Variants in RPRD2 observed in about 807,000 individuals in gnomAD.
The protein encoded by RPRD2 is regulation of nuclear pre-mRNA domain-containing protein 2.
Under a neutral mutation model 104.4 loss-of-function variants are expected in RPRD2, and 12 were observed. The observed-to-expected ratio is 0.11, with a 90% CI of 0.07 to 0.19. The LOEUF (loss-of-function observed/expected upper bound fraction) is 0.19. RPRD2 is among the 10% of genes least tolerant of loss of function. The probability of loss-of-function intolerance (pLI) is 1.00; values close to 1 mark genes in which losing one functional copy is unlikely to be tolerated. For missense variants in RPRD2, 1,543 were observed against 1,790.1 expected, an observed-to-expected ratio of 0.86 and a Z score of 2.49; for synonymous variants, 714 against 684.9, an observed-to-expected ratio of 1.04 and a Z score of -0.66.
chr1:150,364,514 G>C lies in RPRD2; in HGVS notation c.-201G>C. On this transcript the variant is annotated 5_prime_UTR_variant, in exon 1 of 11. Transcript: ENST00000369068. ...GAGACCCGCAGCCCCTCCTTGCAGCGTGTAGGAGCTGCCAGCGTGCCCAGC... is the reference window on the plus strand; with the variant it reads ...GAGACCCGCAGCCCCTCCTTGCAGCCTGTAGGAGCTGCCAGCGTGCCCAGC... 1 of 539,982 alleles carries C rather than the reference G, an allele frequency of 1.9e-6. No individual in the cohort carries two copies. The highest frequency in any genetic ancestry group is 4.9e-4 in the Middle Eastern group (1 of 2,034). The allele number at this position is 539,982 out of a possible 1,614,324, so 33.4% of individuals were successfully genotyped here. A position where few individuals can be genotyped will look rare whatever the true frequency, so the allele number is the denominator to read the frequency against.
intron 2 of RPRD2, among the ~76,000 whole-genome samples, chr1:150,422,762 A>G (rs1366847854): frequency 1.3e-5 from 2 of 152,226 alleles, no homozygotes; most frequent in Non-Finnish European, 2.9e-5. Context: ...ATATTGAACC[A>G]TGGGCAACTT....
intron 2 of RPRD2, among the ~76,000 whole-genome samples, chr1:150,424,526 T>C (rs1553890252): frequency 6.6e-6 from 1 of 152,118 alleles, no homozygotes; most frequent in Non-Finnish European, 1.5e-5. Context: ...GACCTCATGA[T>C]CCGCCTGCCT....
Position 150,472,497 on chromosome 1 carries a change from C to G in RPRD2, c.3549C>G (p.Ser1183=). The change falls in exon 11 of 11, where the codon TCC becomes TCG. Residue 1183 remains serine (S), a synonymous_variant. Transcript: ENST00000369068. ...AGGAGAGTGTCGGCAGCTTTCGTTC[C>G]AACAGTTTCAACTCAACATTTGAGC... ...QFQESVGSFR[S]NSFNSTFEHH... is the part of the protein sequence containing the mutation. 2 of 1,613,942 alleles carry G rather than the reference C, an allele frequency of 1.2e-6. No individual in the cohort carries two copies. The highest frequency in any genetic ancestry group is 1.7e-6 in the Non-Finnish European group (2 of 1,179,880).
intron 4 of RPRD2, among the ~76,000 whole-genome samples, chr1:150,442,874 A>G (rs1666499644): frequency 6.6e-6 from 1 of 152,068 alleles, no homozygotes; most frequent in African/African-American, 2.4e-5. Context: ...GATTAATTGG[A>G]TGTCCTGTTC....
chr1:150,423,307 T>G (rs1272956690), intron 2 of RPRD2, among the ~76,000 whole-genome samples: 2 of 152,206 alleles, frequency 1.3e-5, no homozygotes, highest in African/African-American at 4.8e-5. Context: ...AAGTTATATA[T>G]AGATTATAGA....
intron 3 of RPRD2, 62 bp downstream of exon 3, chr1:150,441,085 T>A: frequency 1.3e-6 from 1 of 775,960 alleles, no homozygotes; most frequent in Non-Finnish European, 2.1e-6. Context: ...TTACATAATT[T>A]TATAGATCTG....
intron 1 of RPRD2, among the ~76,000 whole-genome samples, chr1:150,375,840 C>T (rs979869812): frequency 6.6e-6 from 1 of 152,072 alleles, no homozygotes; most frequent in African/African-American, 2.4e-5. Context: ...CTCAGAGACC[C>T]TAATAAAAAT....
At chr1:150,390,162 C>A (rs1432657762) in intron 1 of RPRD2, among the ~76,000 whole-genome samples, 1 of 151,760 alleles carries the variant, frequency 6.6e-6, no homozygotes, top group Non-Finnish European at 1.5e-5. Context: ...AGAAACAAAC[C>A]CCAAAGACTT....
chr1:150,364,880 A>C lies in RPRD2; in HGVS notation c.166A>C (p.Ser56Arg), dbSNP rs1553876924. The C allele has an allele frequency of 6.2e-7, 1 of 1,614,012 alleles. No individual in the cohort carries two copies. The highest frequency in any genetic ancestry group is 1.7e-5 in the Admixed American group (1 of 60,026). Residue 56 changes from serine to arginine, a missense_variant, in exon 1 of 11, where the codon AGT becomes CGT. Around this residue, in one of 4 missense-constraint regions of RPRD2, gnomAD observed 88 missense variants for 96.6 expected, o/e 0.91. Coordinates refer to ENST00000369068, the MANE Select transcript of RPRD2 (RefSeq NM_015203.5). ...SWCIENKKHHSTIVYHWMKWL... is the reference protein window; with the variant it reads ...SWCIENKKHHRTIVYHWMKWL... ...GTGTATAGAGAACAAAAAACACCAC[A>C]GTACTATCGTCTATCATTGGATGAA...
intron 1 of RPRD2, among the ~76,000 whole-genome samples, chr1:150,377,415 G>C (rs587761850): frequency 5.2e-4 from 79 of 151,638 alleles, no homozygotes; most frequent in African/African-American, 1.8e-3. Flanking sequence ...CCTGGCTGAC[G>C]GTGAAACCCC....
chr1:150,414,636 C>T (rs76922037), intron 1 of RPRD2, among the ~76,000 whole-genome samples: 4 of 149,540 alleles, frequency 2.7e-5, no homozygotes, highest in East Asian at 4.0e-4. Flanking sequence ...GATTATTCTG[C>T]GCGCCAAAGC....
At chr1:150,384,494 G>A (rs868935296) in intron 1 of RPRD2, among the ~76,000 whole-genome samples, 2 of 124,506 alleles carry the variant, frequency 1.6e-5, no homozygotes, top group African/African-American at 3.3e-5. Context: ...ATTATTATTA[G>A]GGATGGAGCT....
chr1:150,450,774 C>A (rs1553896435), intron 7 of RPRD2, among the ~76,000 whole-genome samples: 1 of 151,720 alleles, frequency 6.6e-6, no homozygotes, highest in Non-Finnish European at 1.5e-5. Context: ...GCGCCCACCA[C>A]CACTTTTTGT....
At chr1:150,376,932 C>T (rs959741630) in intron 1 of RPRD2, among the ~76,000 whole-genome samples, 2 of 150,826 alleles carry the variant, frequency 1.3e-5, no homozygotes, top group South Asian at 2.1e-4. Flanking sequence ...GAGTGCTGGC[C>T]GGGCGCTGTG....
At chr1:150,450,640 G>C (rs1667101418) in intron 7 of RPRD2, among the ~76,000 whole-genome samples, 1 of 143,232 alleles carries the variant, frequency 7.0e-6, no homozygotes, top group Non-Finnish European at 1.5e-5. Flanking sequence ...TATTTATTTA[G>C]AGACGAGTCT....
chr1:150,424,987 C>T (rs1665018635), intron 2 of RPRD2, among the ~76,000 whole-genome samples: 1 of 152,148 alleles, frequency 6.6e-6, no homozygotes, highest in African/African-American at 2.4e-5. Context: ...AGACTACATA[C>T]ACACAGATGT....
intron 10 of RPRD2, among the ~76,000 whole-genome samples, chr1:150,470,225 C>T (rs1668506882): frequency 1.3e-5 from 2 of 152,008 alleles, no homozygotes; most frequent in East Asian, 1.9e-4. Context: ...TTAAGAATAA[C>T]TTTGCCTCCT....
intron 1 of RPRD2, among the ~76,000 whole-genome samples, chr1:150,367,776 G>A (rs1659954479): frequency 1.3e-5 from 2 of 151,248 alleles, no homozygotes; most frequent in Admixed American, 6.6e-5. Flanking sequence ...AGACTGGAGT[G>A]CAGTGGCGCG....
At chr1:150,369,277 C>T (rs587625115) in intron 1 of RPRD2, among the ~76,000 whole-genome samples, 6 of 151,960 alleles carry the variant, frequency 3.9e-5, no homozygotes, top group African/African-American at 1.4e-4. Flanking sequence ...TCTTCTTTCT[C>T]TCTTTTCTGT....
Sources: gnomAD v4.1 joint callset for allele counts (sites outside exome capture counted in the v4.1 genomes callset) on GRCh38, gnomAD v4.1.1 for gene constraint, gnomAD v4.1.1 regional missense constraint, MANE v1.5 for transcripts, NCBI Gene and HGNC (gene_info 2026-07-23, HGNC 2026-07-21) for gene names.